Variants in CEP112 observed in about 807,000 individuals in gnomAD.
The protein encoded by CEP112 is centrosomal protein of 112 kDa.
Under a neutral mutation model 153.0 loss-of-function variants are expected in CEP112, and 127 were observed. That is an observed-to-expected ratio of 0.83 (90% CI 0.72 to 0.96). The LOEUF is 0.96. Ranked by LOEUF, CEP112 falls within the 40% of genes least tolerant of loss-of-function variation. The pLI is 0.00. For missense variants in CEP112, 1,089 were observed against 1,101.2 expected, an observed-to-expected ratio of 0.99 and a Z score of 0.16; for synonymous variants, 358 against 374.4, an observed-to-expected ratio of 0.96 and a Z score of 0.51.
chr17:65,843,442 C>A (rs1227163272), intron 21 of CEP112, among the ~76,000 whole-genome samples: 1 of 151,732 alleles, frequency 6.6e-6, no homozygotes, highest in Non-Finnish European at 1.5e-5. Context: ...CGTTTTTTAG[C>A]AAAGGAAAAA....
intron 16 of CEP112, among the ~76,000 whole-genome samples, chr17:66,014,181 C>A (rs1391852039): frequency 6.6e-6 from 1 of 152,156 alleles, no homozygotes; most frequent in Non-Finnish European, 1.5e-5. Context: ...GGTAAAGCAG[C>A]ATGGGGGAGG....
rs1173173255 is a variant in CEP112, at chr17:65,939,499, A to T, written c.1873-11810T>A. Among the ~76,000 whole-genome samples the T allele has an allele frequency of 2.0e-5, 3 of 152,220 alleles. 1 individual carries two copies. Among genetic ancestry groups the T allele is most frequent in the Admixed American group, 2.0e-4 (3 of 15,290 alleles). On this transcript the variant is annotated intron_variant, in intron 18 of 26. Transcript: ENST00000535342. ...ACTACCTGACATCAAAATATAATAA[A>T]AAACTACATTAATCAAAACAGCATG...
intron 21 of CEP112, among the ~76,000 whole-genome samples, chr17:65,818,111 C>A (rs1438671952): frequency 6.6e-6 from 1 of 151,794 alleles, no homozygotes; most frequent in Non-Finnish European, 1.5e-5. Context: ...TGAAGTTTAA[C>A]TGAACTAAAC....
chr17:66,142,792 C>T (rs775864962), intron 4 of CEP112, among the ~76,000 whole-genome samples: 5 of 152,082 alleles, frequency 3.3e-5, no homozygotes, highest in South Asian at 2.1e-4. Context: ...ATCATTTCTC[C>T]GGCTTTGTTC....
At chr17:65,912,281 G>A (rs770166508) in intron 19 of CEP112, among the ~76,000 whole-genome samples, 14 of 152,156 alleles carry the variant, frequency 9.2e-5, no homozygotes, top group Non-Finnish European at 2.1e-4. Context: ...ATCCAGTAGA[G>A]TAATCGTGTC....
chr17:66,132,168 C>CA lies in CEP112; in HGVS notation c.564+501dup, dbSNP rs56221578. 0.011 allele frequency among the ~76,000 whole-genome samples: 430 copies of CA among 39,886 alleles called. 146 individuals are homozygous for CA. In the East Asian group the frequency reaches 0.22, roughly 20 times the overall value. The allele number at this position is 39,886 out of a possible 152,430, so 26.2% of individuals were successfully genotyped here. On this transcript the variant is annotated intron_variant, in intron 5 of 26. Coordinates refer to ENST00000535342, the MANE Select transcript of CEP112 (RefSeq NM_001199165.4). The stretch of plus-strand genomic sequence containing the variant: ...CCTGGGCAACAGTGAGACTCCATCT[C>CA]AAAAAAAAAAAAAAAAAAAAAAAAA...
At chr17:66,059,421 A>G (rs537654638) in intron 11 of CEP112, among the ~76,000 whole-genome samples, 2 of 152,240 alleles carry the variant, frequency 1.3e-5, no homozygotes, top group African/African-American at 2.4e-5. Flanking sequence ...TCTAATACCC[A>G]GAATCTATAA....
In CEP112 at chr17:66,005,788, G is replaced by T; in HGVS notation, c.1657-19C>A. ...CATGAGCCTGCCATGACAAGAACAT[G>T]GAAAATTTATTGGAAGACGAGTAAA... On this transcript the variant is annotated intron_variant, in intron 16 of 26. Transcript: ENST00000535342. The T allele has an allele frequency of 6.3e-7, 1 of 1,583,546 alleles. No homozygotes were observed.
At chr17:66,166,258 G>A (rs1254324459) in intron 4 of CEP112, among the ~76,000 whole-genome samples, 3 of 152,128 alleles carry the variant, frequency 2.0e-5, no homozygotes, top group African/African-American at 7.2e-5. Context: ...ATAAGCAGAA[G>A]CAACGTGTTT....
chr17:66,052,233 T>C (rs2066472476), intron 12 of CEP112, among the ~76,000 whole-genome samples: 1 of 152,170 alleles, frequency 6.6e-6, no homozygotes, highest in Non-Finnish European at 1.5e-5. Flanking sequence ...CCATAGTAAA[T>C]TGAGGAGCAT....
intron 21 of CEP112, among the ~76,000 whole-genome samples, chr17:65,811,313 C>T (rs764393340): frequency 6.6e-6 from 1 of 152,078 alleles, no homozygotes; most frequent in Non-Finnish European, 1.5e-5. Flanking sequence ...GAAGTGAAAA[C>T]ATGAAGAAGT....
intron 17 of CEP112, among the ~76,000 whole-genome samples, chr17:65,970,670 T>C (rs1459803923): frequency 6.6e-6 from 1 of 151,906 alleles, no homozygotes; most frequent in Non-Finnish European, 1.5e-5. Context: ...TACATGCATA[T>C]TACACGCATA....
chr17:65,690,987 G>A (rs1487803300), intron 23 of CEP112, among the ~76,000 whole-genome samples: 2 of 152,174 alleles, frequency 1.3e-5, no homozygotes, highest in Non-Finnish European at 2.9e-5. Flanking sequence ...ACCAGGAAAG[G>A]GAAGATGGAG....
At chr17:65,640,155 T>TA (rs1491163281) in intron 25 of CEP112, among the ~76,000 whole-genome samples, 1,440 of 24,602 alleles carry the variant, frequency 0.059, 23 homozygotes, top group African/African-American at 0.21. Context: ...TATATATATA[T>TA]TTTTTTTTTT....
chr17:66,091,600 T>C (rs2068133483), intron 8 of CEP112, among the ~76,000 whole-genome samples: 2 of 152,016 alleles, frequency 1.3e-5, no homozygotes, highest in South Asian at 4.1e-4. Flanking sequence ...AGATCTCAAA[T>C]AAACAAGTTA....
intron 4 of CEP112, among the ~76,000 whole-genome samples, chr17:66,165,467 CT>C (rs1334806099): frequency 6.6e-6 from 1 of 152,082 alleles, no homozygotes; most frequent in Non-Finnish European, 1.5e-5. Context: ...AATGAATGTA[CT>C]TTTGGCAGGT....
chr17:65,958,817 C>A (rs1433307298), intron 18 of CEP112, among the ~76,000 whole-genome samples: 1 of 152,186 alleles, frequency 6.6e-6, no homozygotes, highest in Admixed American at 6.5e-5. Context: ...GGCCTGGCTG[C>A]AAGTCCCACA....
chr17:65,650,308 T>C (rs1041727516), intron 24 of CEP112, among the ~76,000 whole-genome samples: 2 of 152,144 alleles, frequency 1.3e-5, no homozygotes, highest in East Asian at 1.9e-4. Flanking sequence ...TGAGGCTGTG[T>C]TGGGGCCAAC....
intron 4 of CEP112, among the ~76,000 whole-genome samples, chr17:66,168,428 T>C (rs1341061151): frequency 6.6e-6 from 1 of 150,636 alleles, no homozygotes; most frequent in African/African-American, 2.5e-5. Context: ...TGTGTGTATA[T>C]ATATGTATAT....
Sources: allele counts gnomAD v4.1 joint callset (sites outside exome capture counted in the v4.1 genomes callset), GRCh38; gene constraint gnomAD v4.1.1; transcripts MANE v1.5; gene names NCBI Gene and HGNC (gene_info 2026-07-23, HGNC 2026-07-21).